Variants in LEMD1 observed in about 807,000 individuals in gnomAD.
The protein encoded by LEMD1 is LEM domain-containing protein 1.
A neutral mutation model predicts 17.4 loss-of-function variants in LEMD1; 18 were observed. The observed-to-expected ratio is 1.04, with a 90% CI of 0.72 to 1.54. The LOEUF is 1.54. Among genes scored for constraint, LEMD1 ranks in the 40% most tolerant of loss-of-function variants. LEMD1 has a pLI of 0.00. For missense variants in LEMD1, 195 were observed against 210.4 expected (o/e 0.93, Z 0.45); for synonymous variants, 88 against 77.8 (o/e 1.13, Z -0.69).
intron 1 of LEMD1, among the ~76,000 whole-genome samples, chr1:205,443,566 G>A (rs1184538673): frequency 6.6e-6 from 1 of 152,154 alleles, no homozygotes; most frequent in Non-Finnish European, 1.5e-5. Flanking sequence ...AGGTGTTCGA[G>A]GGCTGGCTGC....
Position 205,441,018 on chromosome 1 carries a change from C to T in LEMD1, c.-39+8850G>A, listed in dbSNP as rs1666285767. 1 of 152,434 alleles carries T rather than the reference C, an allele frequency of 6.6e-6. No individual in the cohort carries two copies. Among genetic ancestry groups the T allele is most frequent in the Non-Finnish European group, 1.5e-5 (1 of 68,144 alleles). The allele number at this position is 152,434 out of a possible 1,614,324, so 9.4% of individuals were successfully genotyped here. ...GACCACAGAAGCAGGCGAAAGTGAA[C>T]TGGGGCATGCCCTACGCCAGGCTGG... On this transcript the variant is annotated intron_variant, in intron 1 of 3. Coordinates refer to the LEMD1 transcript ENST00000367154. This position sits in a 1 kb window ranked among gnomAD's most constrained non-coding sequence, Gnocchi z 4.3.
At chr1:205,421,809 C>T (rs1050033926) in intron 1 of LEMD1, among the ~76,000 whole-genome samples, 181 bp downstream of exon 1, 11 of 152,142 alleles carry the variant, frequency 7.2e-5, no homozygotes, top group African/African-American at 1.7e-4. Context: ...AAGCTTGCTT[C>T]GGCAGATCCT....
At chr1:205,432,809 G>A (rs1666144800) in intron 1 of LEMD1, among the ~76,000 whole-genome samples, 1 of 152,076 alleles carries the variant, frequency 6.6e-6, no homozygotes, top group South Asian at 2.1e-4. Flanking sequence ...AGGAGTTCAA[G>A]ACCAGCCTGG....
intron 4 of LEMD1, among the ~76,000 whole-genome samples, chr1:205,411,147 A>AAGAAGGAAAGGAAGGAAGGAAGGAAG: frequency 6.8e-6 from 1 of 147,944 alleles, no homozygotes; most frequent in Admixed American, 7.3e-5. Flanking sequence ...GAAGGAAGGA[A>AAGAAGGAAAGGAAGGAAGGAAGGAAG]AAAGAAAGAA....
At chr1:205,440,513 C>G (rs1666274086) in intron 1 of LEMD1, 1 of 152,306 alleles carries the variant, frequency 6.6e-6, no homozygotes, top group African/African-American at 2.4e-5. Context: ...CTAGAGCAGC[C>G]AGTTTCCCAT....
At chr1:205,422,754 G>A (rs966694144), upstream of LEMD1, among the ~76,000 whole-genome samples, 5 of 152,180 alleles carry the variant, frequency 3.3e-5, no homozygotes, top group Non-Finnish European at 7.4e-5. Flanking sequence ...GTGAGAAAAC[G>A]CAATGCCTTC....
chr1:205,421,493 G>A (rs1665956886), intron 1 of LEMD1, among the ~76,000 whole-genome samples: 1 of 152,166 alleles, frequency 6.6e-6, no homozygotes, highest in African/African-American at 2.4e-5. Flanking sequence ...GCTTTTGTTG[G>A]TGATCAATCA....
rs186901365 is a variant in LEMD1 at position 205,428,625 on chromosome 1, G to T, written c.-38-8051C>A. On this transcript the variant is annotated intron_variant, in intron 1 of 3. Transcript: ENST00000367154. ...ACAGGGAAAGGCTTGGGAGGAAAGC[G>T]CTCTGATTTAGACTGGATAGTCAGG... Among the ~76,000 whole-genome samples the T allele has an allele frequency of 5.3e-5, 8 of 152,280 alleles. No individual in the cohort carries two copies. In the East Asian group the frequency reaches 9.7e-4, roughly 18 times the overall value.
intron 1 of LEMD1, among the ~76,000 whole-genome samples, chr1:205,442,439 G>A (rs1217009400): frequency 6.6e-6 from 1 of 152,208 alleles, no homozygotes; most frequent in African/African-American, 2.4e-5. Context: ...AGTTCCACTG[G>A]TCTGGACAAC....
intron 4 of LEMD1, among the ~76,000 whole-genome samples, chr1:205,400,848 C>G (rs1475173127): frequency 2.7e-5 from 3 of 112,116 alleles, no homozygotes; most frequent in Non-Finnish European, 5.6e-5. Context: ...ATCCCTCCCC[C>G]CCCCCACCCC....
At chr1:205,434,223 CTCTG>C (rs1666169182) in intron 1 of LEMD1, among the ~76,000 whole-genome samples, 3 of 151,326 alleles carry the variant, frequency 2.0e-5, no homozygotes, top group Non-Finnish European at 2.9e-5. Flanking sequence ...CAGGGTCTTG[CTCTG>C]TTGCCCAGGC....
chr1:205,398,811 G>C (rs771622699), intron 4 of LEMD1, among the ~76,000 whole-genome samples: 7 of 152,222 alleles, frequency 4.6e-5, no homozygotes, highest in Non-Finnish European at 1.0e-4. Flanking sequence ...CTCTCTTGTA[G>C]TAGGGGCTGC....
At chr1:205,440,732 T>A (rs1305806952) in intron 1 of LEMD1, 1 of 152,486 alleles carries the variant, frequency 6.6e-6, no homozygotes, top group Admixed American at 6.5e-5. Flanking sequence ...TGGAAGCTAA[T>A]GGGTGTGGGC....
chr1:205,425,524 A>G (rs1397481416), upstream of LEMD1, among the ~76,000 whole-genome samples: 1 of 152,000 alleles, frequency 6.6e-6, no homozygotes, highest in Non-Finnish European at 1.5e-5. Context: ...ATAATTAAAG[A>G]CTCAAACCCC....
intron 4 of LEMD1, chr1:205,385,208 T>C (rs897805022): frequency 6.6e-6 from 1 of 151,990 alleles, no homozygotes; most frequent in African/African-American, 2.4e-5. Flanking sequence ...ACTGTAGTGT[T>C]TTGTTTGTTT....
chr1:205,403,514 G>A (rs1413163459), intron 4 of LEMD1, among the ~76,000 whole-genome samples: 2 of 152,048 alleles, frequency 1.3e-5, no homozygotes, highest in Non-Finnish European at 2.9e-5. Flanking sequence ...ATTCTGTGAT[G>A]GTAGTTTGTA....
intron 1 of LEMD1, among the ~76,000 whole-genome samples, chr1:205,444,369 G>A (rs567487151): frequency 5.9e-5 from 9 of 152,054 alleles, no homozygotes; most frequent in Admixed American, 4.6e-4. Context: ...GGGCACAGAC[G>A]ATGCCCTGCC....
chr1:205,416,527 C>T (rs1010009656), intron 3 of LEMD1, among the ~76,000 whole-genome samples: 4 of 152,158 alleles, frequency 2.6e-5, no homozygotes, highest in Non-Finnish European at 5.9e-5. Flanking sequence ...ATTTGCATGC[C>T]TCCAAGAGAA....
At position 205,419,140 on chromosome 1, in the gene LEMD1, C is replaced by T. The variant is rs1214329693; in HGVS notation, c.205+90G>A. 15 of 1,476,038 alleles carry T rather than the reference C, an allele frequency of 1.0e-5. No individual in the cohort carries two copies. In the East Asian group the frequency reaches 2.7e-4, roughly 27 times the overall value. The allele number at this position is 1,476,038 out of a possible 1,614,324, so 91.4% of individuals were successfully genotyped here. On this transcript the variant is annotated intron_variant, in intron 3 of 5. Transcript: ENST00000367153. ...CCCTATGGCTATTTCACAGGTCAGG[C>T]TGCACACCATTTAAAGCTGCATAAA...
Sources: allele counts gnomAD v4.1 joint callset (sites outside exome capture counted in the v4.1 genomes callset), GRCh38; gene constraint gnomAD v4.1.1; non-coding constraint Gnocchi (gnomAD v3.1); transcripts MANE v1.5; gene names NCBI Gene and HGNC (gene_info 2026-07-23, HGNC 2026-07-21).